The following TNFSF11 variants were observed in gnomAD, a reference collection of about 807,000 sequenced individuals.
TNFSF11 encodes tumor necrosis factor ligand superfamily member 11.
In TNFSF11, 12 loss-of-function variants were observed where a neutral mutation model predicts 32.2. The ratio of observed to expected loss-of-function variants is 0.37; its 90% CI spans 0.24 to 0.60. The LOEUF (loss-of-function observed/expected upper bound fraction) is 0.60, where lower values mean the gene tolerates loss of function less well. TNFSF11 is among the 20% of genes least tolerant of loss of function. TNFSF11 has a pLI of 0.66. For missense variants in TNFSF11, 345 were observed against 398.0 expected, an observed-to-expected ratio of 0.87 and a Z score of 1.13; for synonymous variants, 172 against 152.1, an observed-to-expected ratio of 1.13 and a Z score of -0.96.
At chr13:42,572,146 A>T (rs117233734), upstream of TNFSF11, among the ~76,000 whole-genome samples, 1,573 of 152,302 alleles carry the variant, frequency 0.01, 8 homozygotes, top group Middle Eastern at 0.024. Flanking sequence ...TAGTGGGATG[A>T]CATTTTTGGA....
chr13:42,602,412 G>A (rs1189012137), intron 4 of TNFSF11, among the ~76,000 whole-genome samples: 11 of 151,962 alleles, frequency 7.2e-5, no homozygotes, highest in South Asian at 2.1e-4. Flanking sequence ...AGTTTTTCTC[G>A]GAGTTAAAGA....
At chr13:42,564,334 A>G (rs1566369956) in intron 1 of TNFSF11, among the ~76,000 whole-genome samples, 1 of 152,118 alleles carries the variant, frequency 6.6e-6, no homozygotes, top group Non-Finnish European at 1.5e-5. Context: ...TTGGGAGGCC[A>G]AGGCAGGTGG....
At chr13:42,579,431 A>G (rs981137462) in intron 1 of TNFSF11, among the ~76,000 whole-genome samples, 2 of 149,782 alleles carry the variant, frequency 1.3e-5, no homozygotes, top group Non-Finnish European at 3.0e-5. Flanking sequence ...AAAAAAAAAA[A>G]GGAAAAGAAA....
chr13:42,567,959 C>T (rs2137843375), intron 2 of TNFSF11, among the ~76,000 whole-genome samples: 1 of 152,294 alleles, frequency 6.6e-6, no homozygotes, highest in South Asian at 2.1e-4. Flanking sequence ...AACTGAGCCC[C>T]CACCTGTTAC....
chr13:42,604,015 G>A (rs1354330404), intron 4 of TNFSF11, among the ~76,000 whole-genome samples: 1 of 152,180 alleles, frequency 6.6e-6, no homozygotes, highest in African/African-American at 2.4e-5. Flanking sequence ...ATGGTAATCG[G>A]TCAAGGTTCC....
intron 2 of TNFSF11, among the ~76,000 whole-genome samples, chr13:42,600,257 T>C (rs1193202569): frequency 6.6e-6 from 1 of 152,210 alleles, no homozygotes; most frequent in Non-Finnish European, 1.5e-5. Context: ...ACACTGTAAC[T>C]TTAAAGTAAA....
intron 2 of TNFSF11, among the ~76,000 whole-genome samples, chr13:42,567,408 G>T (rs1420315906): frequency 5.3e-5 from 8 of 152,170 alleles, no homozygotes; most frequent in Admixed American, 5.2e-4. Context: ...GAGATAAACA[G>T]TTATGGACAG....
chr13:42,599,346 T>TATCTATC (rs1393556143), intron 2 of TNFSF11, among the ~76,000 whole-genome samples: 147 of 93,758 alleles, frequency 1.6e-3, no homozygotes, highest in African/African-American at 5.6e-3. Flanking sequence ...TCTATCTATC[T>TATCTATC]ATCATCTATC....
rs201652399 is a variant in TNFSF11, at chr13:42,574,386, G to A, written c.83G>A (p.Gly28Asp). 1,136 of 1,547,700 alleles carry A rather than the reference G, an allele frequency of 7.3e-4. 3 individuals are homozygous for A. The highest frequency in any genetic ancestry group is 1.8e-3 in the South Asian group (152 of 84,122). ...MGGGPGAPHE[G>D]PLHAPPPPAP... Reference sequence around the variant, plus strand: ...GGCGGCCCCGGAGCCCCGCACGAGGGCCCCCTGCACGCCCCGCCGCCGCCT... The same window carrying A: ...GGCGGCCCCGGAGCCCCGCACGAGGACCCCCTGCACGCCCCGCCGCCGCCT... Residue 28 changes from glycine (G) to aspartate (D), a missense_variant, in exon 1 of 5, where the codon GGC becomes GAC. By Grantham distance (94) the Gly-to-Asp change is moderately conservative (BLOSUM62 -1). This residue lies in a region of TNFSF11 where 197 missense variants were observed against 182.0 expected (regional missense o/e 1.08). Transcript: ENST00000398795.
chr13:42,596,199 G>A (rs1566385398), intron 2 of TNFSF11, among the ~76,000 whole-genome samples: 1 of 152,138 alleles, frequency 6.6e-6, no homozygotes, highest in Non-Finnish European at 1.5e-5. Flanking sequence ...GTTTGGAGAT[G>A]CAATGTCCCT....
At chr13:42,605,629 G>A (rs1013184962) in intron 4 of TNFSF11, among the ~76,000 whole-genome samples, 5 of 152,170 alleles carry the variant, frequency 3.3e-5, no homozygotes, top group Non-Finnish European at 5.9e-5. Context: ...AAGAGGACCA[G>A]GTGTCACCTC....
chr13:42,570,444 TATA>T (rs1873022180), upstream of TNFSF11, among the ~76,000 whole-genome samples: 2 of 152,222 alleles, frequency 1.3e-5, no homozygotes, highest in African/African-American at 4.8e-5. Flanking sequence ...TACTAGGAAA[TATA>T]GTTTGAGAAA....
intron 4 of TNFSF11, among the ~76,000 whole-genome samples, chr13:42,601,951 T>C (rs1202126035): frequency 6.6e-6 from 1 of 152,212 alleles, no homozygotes; most frequent in Non-Finnish European, 1.5e-5. Context: ...GAAGTAGAAT[T>C]CCCGTCCCGT....
At chr13:42,604,882 C>T (rs1265540666) in intron 4 of TNFSF11, among the ~76,000 whole-genome samples, 2 of 152,156 alleles carry the variant, frequency 1.3e-5, no homozygotes, top group African/African-American at 4.8e-5. Flanking sequence ...CTCCTGGATT[C>T]AAGTAATTCT....
At chr13:42,599,340 TC>T (rs1416509739) in intron 2 of TNFSF11, among the ~76,000 whole-genome samples, 6 of 134,566 alleles carry the variant, frequency 4.5e-5, no homozygotes, top group Admixed American at 1.5e-4. Flanking sequence ...TATCTATCTA[TC>T]TATCTATCAT....
intron 2 of TNFSF11, among the ~76,000 whole-genome samples, chr13:42,567,887 C>T (rs553656040): frequency 6.6e-6 from 1 of 152,356 alleles, no homozygotes; most frequent in East Asian, 1.9e-4. Flanking sequence ...AGCTAAACAA[C>T]ACTAGCTTTG....
chr13:42,603,443 G>A (rs1869282703), intron 4 of TNFSF11, among the ~76,000 whole-genome samples: 1 of 152,172 alleles, frequency 6.6e-6, no homozygotes, highest in Non-Finnish European at 1.5e-5. Context: ...GGCCTGCTGT[G>A]TGATCACTGC....
At chr13:42,594,308 C>T (rs1868665633) in intron 2 of TNFSF11, among the ~76,000 whole-genome samples, 1 of 152,026 alleles carries the variant, frequency 6.6e-6, no homozygotes, top group Non-Finnish European at 1.5e-5. Flanking sequence ...TCTTGAACTC[C>T]TGGCCTGAGG....
At chr13:42,586,567 A>G (rs1873911566) in intron 2 of TNFSF11, among the ~76,000 whole-genome samples, 1 of 152,190 alleles carries the variant, frequency 6.6e-6, no homozygotes, top group African/African-American at 2.4e-5. Flanking sequence ...GTTCTGCATA[A>G]CCTGACTGCT....
Sources: gnomAD v4.1 joint callset for allele counts (sites outside exome capture counted in the v4.1 genomes callset) on GRCh38, gnomAD v4.1.1 for gene constraint, gnomAD v4.1.1 regional missense constraint, MANE v1.5 for transcripts, NCBI Gene and HGNC (gene_info 2026-07-23, HGNC 2026-07-21) for gene names.